Variants in CPQ observed in about 807,000 individuals in gnomAD.
The protein encoded by CPQ is Ser-Met dipeptidase.
In CPQ, 37 loss-of-function variants were observed where a neutral mutation model predicts 45.7. The ratio of observed to expected loss-of-function variants is 0.81; its 90% CI spans 0.62 to 1.07. CPQ has a LOEUF of 1.07. Ranked by LOEUF, CPQ falls within the 50% of genes least tolerant of loss-of-function variation. The probability of loss-of-function intolerance (pLI) is 0.00; values close to 1 mark genes in which losing one functional copy is unlikely to be tolerated. For synonymous variants in CPQ, 186 were observed against 205.8 expected (o/e 0.90, Z 0.82); for missense variants, 537 against 572.9 (o/e 0.94, Z 0.64).
At chr8:96,733,651 AT>A (rs1414564130) in intron 1 of CPQ, among the ~76,000 whole-genome samples, 100 of 152,336 alleles carry the variant, frequency 6.6e-4, no homozygotes, top group African/African-American at 2.3e-3. Context: ...AATTTTAATA[AT>A]ACATTTAATC....
In CPQ at chr8:96,966,016, T is replaced by C. The variant is rs2130362776; in HGVS notation, c.931T>C (p.Trp311Arg). Reference sequence around the variant, plus strand: ...TGATGGCGGTGGAGCCTTTATATCATGGGAAGCACTCTCACTTATTAAAGA... The same window carrying C: ...TGATGGCGGTGGAGCCTTTATATCACGGGAAGCACTCTCACTTATTAAAGA... ...MDDGGGAFIS[W>R]EALSLIKDLG... The change falls in exon 5 of 8, where the codon TGG (tryptophan) becomes CGG (arginine). Residue 311 changes from tryptophan (W) to arginine (R), a missense_variant. Coordinates refer to ENST00000220763, the MANE Select transcript of CPQ (RefSeq NM_016134.4). The C allele has an allele frequency of 2.5e-6, 4 of 1,613,706 alleles. No individual in the cohort carries two copies. Among genetic ancestry groups the C allele is most frequent in the Non-Finnish European group, 3.4e-6 (4 of 1,179,756 alleles).
chr8:97,073,719 G>A (rs1810796007), intron 7 of CPQ, among the ~76,000 whole-genome samples: 1 of 152,166 alleles, frequency 6.6e-6, no homozygotes. Flanking sequence ...TTGTGATGGA[G>A]GGGTGGGACA....
At chr8:96,658,789 T>G (rs1349757390) in intron 1 of CPQ, among the ~76,000 whole-genome samples, 1 of 151,684 alleles carries the variant, frequency 6.6e-6, no homozygotes, top group African/African-American at 2.4e-5. Context: ...CCAAGGAATG[T>G]GGGTGGCCAC....
intron 1 of CPQ, among the ~76,000 whole-genome samples, chr8:96,686,334 A>G (rs1809226527): frequency 6.6e-6 from 1 of 152,078 alleles, no homozygotes; most frequent in South Asian, 2.1e-4. Flanking sequence ...TTGAGATGCA[A>G]CAGAGATATT....
At chr8:96,921,377 T>C (rs1285167263) in intron 4 of CPQ, among the ~76,000 whole-genome samples, 1 of 152,198 alleles carries the variant, frequency 6.6e-6, no homozygotes, top group African/African-American at 2.4e-5. Flanking sequence ...TTTTTATTTA[T>C]TGCTCAGCTT....
intron 6 of CPQ, among the ~76,000 whole-genome samples, chr8:97,038,825 C>CAAAAAAAAAAAAAAAAA (rs35739621): frequency 1.1e-5 from 1 of 91,872 alleles, no homozygotes; most frequent in Non-Finnish European, 2.1e-5. Context: ...ACCGTATTTA[C>CAAAAAAAAAAAAAAAAA]AAAAAAAAAA....
intron 1 of CPQ, among the ~76,000 whole-genome samples, chr8:96,751,978 T>A (rs1013972610): frequency 3.3e-5 from 5 of 152,178 alleles, no homozygotes; most frequent in Middle Eastern, 3.2e-3. Context: ...GAGTTCTCTA[T>A]TCTGTTCCAT....
At chr8:97,060,277 G>A (rs192756339) in intron 6 of CPQ, among the ~76,000 whole-genome samples, 12 of 152,144 alleles carry the variant, frequency 7.9e-5, no homozygotes, top group Admixed American at 3.3e-4. Flanking sequence ...TGAATCTTGC[G>A]TTGCACCCAA....
chr8:96,928,779 G>C (rs1812928887), intron 4 of CPQ, among the ~76,000 whole-genome samples: 1 of 152,110 alleles, frequency 6.6e-6, no homozygotes, highest in African/African-American at 2.4e-5. Context: ...TGCAGGATTG[G>C]CTTCCGAAGT....
intron 6 of CPQ, among the ~76,000 whole-genome samples, chr8:97,042,805 T>A (rs1308259958): frequency 2.6e-5 from 4 of 152,074 alleles, no homozygotes; most frequent in South Asian, 2.1e-4. Flanking sequence ...TTTGAGTGAG[T>A]TTCTTAATCC....
intron 1 of CPQ, among the ~76,000 whole-genome samples, chr8:96,770,712 ATT>A (rs1491485024): frequency 3.4e-5 from 5 of 147,448 alleles, no homozygotes; most frequent in African/African-American, 1.2e-4. Flanking sequence ...ATATATATAT[ATT>A]ATATATATAT....
chr8:96,702,398 G>C (rs1199446658), intron 1 of CPQ, among the ~76,000 whole-genome samples: 2 of 152,166 alleles, frequency 1.3e-5, no homozygotes, highest in African/African-American at 4.8e-5. Flanking sequence ...GGTAGAGAAA[G>C]GGAGAATAAG....
intron 4 of CPQ, among the ~76,000 whole-genome samples, chr8:96,964,551 G>A (rs1489800539): frequency 6.6e-6 from 1 of 151,464 alleles, no homozygotes; most frequent in Non-Finnish European, 1.5e-5. Flanking sequence ...AATATTTTCT[G>A]TTTTTCCGTG....
intron 3 of CPQ, among the ~76,000 whole-genome samples, chr8:96,865,126 C>A (rs551041656): frequency 3.3e-5 from 5 of 151,798 alleles, no homozygotes; most frequent in Non-Finnish European, 7.4e-5. Flanking sequence ...TGGAACATGG[C>A]CAGGGAGTGG....
chr8:97,094,024 C>T (rs1811170739), intron 7 of CPQ, among the ~76,000 whole-genome samples: 1 of 151,994 alleles, frequency 6.6e-6, no homozygotes, highest in Admixed American at 6.6e-5. Context: ...AAATAAGTTC[C>T]TCCTTCTCTT....
intron 7 of CPQ, among the ~76,000 whole-genome samples, chr8:97,091,846 GGATGGATA>G (rs1811131261): frequency 7.1e-6 from 1 of 140,816 alleles, no homozygotes; most frequent in South Asian, 2.3e-4. Flanking sequence ...ATACAAAGAT[GGATGGATA>G]GATGGATGGA....
intron 1 of CPQ, among the ~76,000 whole-genome samples, chr8:96,690,476 G>A (rs1293948131): frequency 6.6e-6 from 1 of 152,134 alleles, no homozygotes; most frequent in South Asian, 2.1e-4. Context: ...TTGTTATTCA[G>A]TCTCAGTTAC....
intron 1 of CPQ, among the ~76,000 whole-genome samples, chr8:96,685,145 G>C (rs904279451): frequency 7.3e-5 from 3 of 41,090 alleles, no homozygotes; most frequent in Non-Finnish European, 1.3e-4. Context: ...ACAAAAAACA[G>C]AGTTAGCTCA....
At position 96,840,270 on chromosome 8, in the gene CPQ, G is replaced by C. The variant is rs564538650; in HGVS notation, c.641+5090G>C. On this transcript the variant is annotated intron_variant, in intron 3 of 7. Coordinates refer to ENST00000220763, the MANE Select transcript of CPQ (RefSeq NM_016134.4). ...TTAGCTGGAGCCAGGCCTCCTAGGGGGTCAGAGAAATGCAATTCTGGGGTG... is the reference window on the plus strand; with the variant it reads ...TTAGCTGGAGCCAGGCCTCCTAGGGCGTCAGAGAAATGCAATTCTGGGGTG... 5.3e-5 allele frequency among the ~76,000 whole-genome samples: 8 copies of C among 152,236 alleles called. No homozygotes were observed. In the East Asian group the frequency reaches 1.5e-3, roughly 29 times the overall value.
Sources: gnomAD v4.1 joint callset for allele counts (sites outside exome capture counted in the v4.1 genomes callset) on GRCh38, gnomAD v4.1.1 for gene constraint, MANE v1.5 for transcripts, NCBI Gene and HGNC (gene_info 2026-07-23, HGNC 2026-07-21) for gene names.